Variants in ENOX2 observed in about 807,000 individuals in gnomAD.
ENOX2 encodes APK1 antigen.
A neutral mutation model predicts 45.0 loss-of-function variants in ENOX2; 36 were observed. The observed-to-expected ratio is 0.80, with a 90% CI of 0.61 to 1.06. ENOX2 has a LOEUF of 1.06. ENOX2 is among the 50% of genes least tolerant of loss of function. The pLI is 0.00. For synonymous variants in ENOX2, 174 were observed against 152.3 expected (o/e 1.14, Z -1.05); for missense variants, 423 against 462.5 (o/e 0.91, Z 0.78).
At chrX:130,671,503 T>G (rs1334002445) in intron 6 of ENOX2, among the ~76,000 whole-genome samples, 4 of 111,240 alleles carry the variant, frequency 3.6e-5, no homozygotes, top group Non-Finnish European at 7.5e-5. Context: ...ACTATGGAAA[T>G]AGAGTTCATA....
chrX:130,647,742 T>A (rs1189586177), intron 10 of ENOX2, among the ~76,000 whole-genome samples: 1 of 111,544 alleles, frequency 9.0e-6, no homozygotes, highest in East Asian at 2.8e-4. Context: ...AGGGTGCTAG[T>A]TCTATGGTCA....
At chrX:130,878,083 C>A (rs2078741146) in intron 2 of ENOX2, among the ~76,000 whole-genome samples, 1 of 112,006 alleles carries the variant, frequency 8.9e-6, no homozygotes, top group South Asian at 3.7e-4. Context: ...TCTAACATAG[C>A]CCTTCTGTTA....
intron 10 of ENOX2, chrX:130,645,701 C>T (rs773844972): frequency 3.6e-5 from 23 of 641,959 alleles, no homozygotes; most frequent in Admixed American, 1.6e-4. Context: ...CCCCAGCAGC[C>T]GCGCCCCACA....
intron 12 of ENOX2, 97 bp from the exon 13 acceptor site, chrX:130,631,673 A>G: frequency 2.2e-6 from 1 of 459,155 alleles, no homozygotes; most frequent in South Asian, 4.2e-5. Flanking sequence ...CAGGACCATA[A>G]AAACAATACC....
intron 3 of ENOX2, among the ~76,000 whole-genome samples, chrX:130,716,171 T>C (rs1469589443): frequency 8.9e-6 from 1 of 111,893 alleles, no homozygotes; most frequent in Non-Finnish European, 1.9e-5. Context: ...ACCAACCTAA[T>C]AGGAGAGAAT....
At chrX:130,886,707 G>A (rs939234312) in intron 2 of ENOX2, among the ~76,000 whole-genome samples, 4 of 111,471 alleles carry the variant, frequency 3.6e-5, no homozygotes, top group Admixed American at 1.9e-4. Context: ...ATCAACCTGA[G>A]TTCAGTAATG....
At chrX:130,808,286 G>A (rs1349016307) in intron 2 of ENOX2, among the ~76,000 whole-genome samples, 1 of 112,032 alleles carries the variant, frequency 8.9e-6, no homozygotes, top group African/African-American at 3.2e-5. Flanking sequence ...AATACAGGAA[G>A]TACATTAGGT....
chrX:130,806,202 T>G (rs1049126328), intron 2 of ENOX2, among the ~76,000 whole-genome samples: 39 of 112,110 alleles, frequency 3.5e-4, no homozygotes, highest in African/African-American at 1.2e-3. Flanking sequence ...TGCAGGCTGC[T>G]ACACCGGCAG....
intron 3 of ENOX2, among the ~76,000 whole-genome samples, chrX:130,752,136 T>G (rs182175726): frequency 9.0e-6 from 1 of 111,105 alleles, no homozygotes; most frequent in African/African-American, 3.3e-5. Context: ...CTCTACCTGT[T>G]CCTTCTTTCT....
At chrX:130,715,527 C>A (rs894183630) in intron 3 of ENOX2, among the ~76,000 whole-genome samples, 12 of 111,233 alleles carry the variant, frequency 1.1e-4, no homozygotes, top group Admixed American at 9.5e-4. Context: ...ATTATACATA[C>A]CTTCACATTA....
At chrX:130,675,478 C>G (rs1471462173) in intron 6 of ENOX2, among the ~76,000 whole-genome samples, 1 of 112,480 alleles carries the variant, frequency 8.9e-6, no homozygotes, top group Non-Finnish European at 1.9e-5. Flanking sequence ...TGAGAGAGGA[C>G]AAACATCTTT....
Position 130,812,605 on chromosome X carries a change from T to A in ENOX2, c.-182-28915A>T, listed in dbSNP as rs775843833. Among the ~76,000 whole-genome samples the A allele has an allele frequency of 9.5e-4, 106 of 111,978 alleles. 2 individuals are homozygous for A. Among genetic ancestry groups the A allele is most frequent in the African/African-American group, 3.4e-3 (104 of 30,896 alleles). On this transcript the variant is annotated intron_variant, in intron 2 of 14. Transcript: ENST00000394363. ...AAGACAATGAACAAAATGGCAGTAGTTAATTCTTACTTATCAATAATTACC... is the reference window on the plus strand; with the variant it reads ...AAGACAATGAACAAAATGGCAGTAGATAATTCTTACTTATCAATAATTACC...
chrX:130,647,515 T>C (rs1157559597), intron 10 of ENOX2, among the ~76,000 whole-genome samples: 2 of 111,595 alleles, frequency 1.8e-5, no homozygotes, highest in Non-Finnish European at 3.8e-5. Context: ...TCCACGTGCA[T>C]AAAGCACTCC....
chrX:130,741,420 T>C (rs1335813162), intron 3 of ENOX2, among the ~76,000 whole-genome samples: 1 of 111,657 alleles, frequency 9.0e-6, no homozygotes, highest in East Asian at 2.8e-4. Context: ...CCTTTCATTT[T>C]CTCCCTCTAA....
chrX:130,636,577 G>C (rs765631104), intron 11 of ENOX2, among the ~76,000 whole-genome samples: 2 of 112,431 alleles, frequency 1.8e-5, no homozygotes, highest in East Asian at 5.6e-4. Flanking sequence ...TGATGGTTAC[G>C]TAAAACTCCT....
chrX:130,665,828 T>C (rs2036820896), intron 8 of ENOX2, 79 bp from the exon 9 acceptor site: 3 of 597,128 alleles, frequency 5.0e-6, no homozygotes, highest in Non-Finnish European at 2.8e-6. Flanking sequence ...AGAAATGAAA[T>C]AAAAGAGAAG....
intron 2 of ENOX2, among the ~76,000 whole-genome samples, chrX:130,786,153 G>C (rs1408752756): frequency 1.8e-5 from 2 of 112,544 alleles, no homozygotes; most frequent in Non-Finnish European, 3.8e-5. Flanking sequence ...AATTGGATGG[G>C]GGTAGATGAC....
At chrX:130,745,989 G>A (rs2039089253) in intron 3 of ENOX2, among the ~76,000 whole-genome samples, 1 of 112,009 alleles carries the variant, frequency 8.9e-6, no homozygotes, top group South Asian at 3.8e-4. Flanking sequence ...TATTTGGTTG[G>A]CTAGCTCCAA....
chrX:130,808,939 G>A (rs1280695272), intron 2 of ENOX2, among the ~76,000 whole-genome samples: 2 of 111,710 alleles, frequency 1.8e-5, no homozygotes, highest in African/African-American at 6.5e-5. Context: ...GCACATTTAT[G>A]GTAGGCTACT....
Sources: gnomAD v4.1 joint callset for allele counts (sites outside exome capture counted in the v4.1 genomes callset) on GRCh38, gnomAD v4.1.1 for gene constraint, MANE v1.5 for transcripts, NCBI Gene and HGNC (gene_info 2026-07-23, HGNC 2026-07-21) for gene names.